Variants in GRM1 observed in about 807,000 individuals in gnomAD.
The protein encoded by GRM1 is glutamate metabotropic receptor 1, also known as metabotropic glutamate receptor 1.
Under a neutral mutation model 90.9 loss-of-function variants are expected in GRM1, and 33 were observed. The observed-to-expected ratio is 0.36, with a 90% CI of 0.28 to 0.49. GRM1 has a LOEUF of 0.49. Ranked by LOEUF, GRM1 falls within the 20% of genes least tolerant of loss-of-function variation. The pLI, the probability that GRM1 is intolerant of heterozygous loss-of-function variation, is 0.99. For synonymous variants in GRM1, 700 were observed against 613.2 expected (o/e 1.14, Z -2.09); for missense variants, 1,190 against 1,534.3 (o/e 0.78, Z 3.75).
chr6:146,129,943 C>CAGAG (rs909593012), intron 1 of GRM1, among the ~76,000 whole-genome samples: 10 of 151,754 alleles, frequency 6.6e-5, no homozygotes, highest in Admixed American at 2.0e-4. Flanking sequence ...AAATATCACT[C>CAGAG]AGAGCACCAT....
At chr6:146,110,129 T>C (rs1755584278) in intron 1 of GRM1, among the ~76,000 whole-genome samples, 3 of 152,150 alleles carry the variant, frequency 2.0e-5, no homozygotes, top group Admixed American at 1.3e-4. Flanking sequence ...GAGGGCACGA[T>C]TGGTTTTGAA....
At chr6:146,207,958 G>T (rs1036489243) in intron 2 of GRM1, among the ~76,000 whole-genome samples, 2 of 152,052 alleles carry the variant, frequency 1.3e-5, no homozygotes, top group Admixed American at 1.3e-4. Context: ...TATCTAATCA[G>T]CTTCTGAGAT....
At chr6:146,340,985 C>G (rs1341543274) in intron 3 of GRM1, among the ~76,000 whole-genome samples, 2 of 152,202 alleles carry the variant, frequency 1.3e-5, no homozygotes, top group African/African-American at 2.4e-5. Context: ...TGCACACATT[C>G]TAGTATTTAA....
At chr6:146,407,222 T>A (rs1777381011) in intron 7 of GRM1, among the ~76,000 whole-genome samples, 2 of 152,184 alleles carry the variant, frequency 1.3e-5, no homozygotes, top group African/African-American at 4.8e-5. Flanking sequence ...CATGCTCAAG[T>A]GCAAGGAAGG....
intron 6 of GRM1, among the ~76,000 whole-genome samples, chr6:146,392,104 G>A (rs1463551325): frequency 6.6e-6 from 1 of 152,138 alleles, no homozygotes; most frequent in Non-Finnish European, 1.5e-5. Context: ...ACGATATGCA[G>A]TTTAAAGTTT....
rs1790642842 is a variant in GRM1, at chr6:146,029,748, G to A, written c.231G>A (p.Gln77=). 1 of 1,613,962 alleles carries A rather than the reference G, an allele frequency of 6.2e-7. No individual in the cohort carries two copies. Among genetic ancestry groups the A allele is most frequent in the Non-Finnish European group, 8.5e-7 (1 of 1,179,864 alleles). Residue 77 remains glutamine (Q), a synonymous_variant, in exon 1 of 8, where the codon CAG becomes CAA. Coordinates refer to ENST00000282753, the MANE Select transcript of GRM1 (RefSeq NM_001278064.2). ...AGATCAGGGAGCAGTATGGCATCCA[G>A]AGGGTGGAGGCCATGTTCCACACGT... ...CGEIREQYGI[Q]RVEAMFHTLD...
intron 1 of GRM1, among the ~76,000 whole-genome samples, chr6:146,068,171 G>A (rs542358384): frequency 6.6e-6 from 1 of 151,038 alleles, no homozygotes; most frequent in South Asian, 2.1e-4. Flanking sequence ...GAGTGCAGTG[G>A]CACGATCTCA....
intron 2 of GRM1, among the ~76,000 whole-genome samples, chr6:146,234,361 G>A (rs938697968): frequency 6.6e-6 from 1 of 151,650 alleles, no homozygotes. Context: ...ATTAACATTT[G>A]TTGTCTTCTT....
chr6:146,261,194 A>G (rs971642599), intron 2 of GRM1, among the ~76,000 whole-genome samples: 4 of 152,170 alleles, frequency 2.6e-5, no homozygotes, highest in African/African-American at 7.2e-5. Flanking sequence ...GTGTTCAGGG[A>G]TGAAGCAAAA....
intron 5 of GRM1, among the ~76,000 whole-genome samples, chr6:146,377,386 G>T (rs1318471441): frequency 6.6e-6 from 1 of 152,134 alleles, no homozygotes; most frequent in Non-Finnish European, 1.5e-5. Context: ...GGTGGTCTCA[G>T]ATGGAGATGA....
intron 3 of GRM1, among the ~76,000 whole-genome samples, chr6:146,332,807 T>G (rs536278212): frequency 1.3e-5 from 2 of 152,340 alleles, no homozygotes; most frequent in East Asian, 3.9e-4. Flanking sequence ...TCAAAATCAC[T>G]TTTTAAATTT....
chr6:146,298,945 A>G (rs928432374), intron 2 of GRM1, among the ~76,000 whole-genome samples: 1 of 152,158 alleles, frequency 6.6e-6, no homozygotes, highest in African/African-American at 2.4e-5. Flanking sequence ...CTACTCAAAT[A>G]TCCTTTCTTC....
At chr6:146,332,786 T>C (rs1455830029) in intron 3 of GRM1, among the ~76,000 whole-genome samples, 2 of 152,218 alleles carry the variant, frequency 1.3e-5, no homozygotes, top group Non-Finnish European at 2.9e-5. Context: ...TTTTAAGGTA[T>C]TTTGTCCTCC....
chr6:146,359,739 A>G (rs142508542), intron 5 of GRM1, among the ~76,000 whole-genome samples: 8 of 152,270 alleles, frequency 5.3e-5, no homozygotes, highest in African/African-American at 1.4e-4. Flanking sequence ...CCCTGCACCT[A>G]GACACTGAAG....
chr6:146,347,428 C>T (rs980931178), intron 3 of GRM1, among the ~76,000 whole-genome samples: 4 of 152,144 alleles, frequency 2.6e-5, no homozygotes, highest in African/African-American at 9.7e-5. Flanking sequence ...TAGGAATATA[C>T]TTGTGAGTGC....
At chr6:146,267,906 TC>T (rs1781979283) in intron 2 of GRM1, among the ~76,000 whole-genome samples, 1 of 152,134 alleles carries the variant, frequency 6.6e-6, no homozygotes, top group African/African-American at 2.4e-5. Context: ...ATACCTTGTA[TC>T]CCTCAATCCA....
Position 146,417,028 on chromosome 6 carries a change from C to T in GRM1, c.2661-16844C>T, listed in dbSNP as rs551005138. Among the ~76,000 whole-genome samples, 4 of 152,252 alleles carry T rather than the reference C, an allele frequency of 2.6e-5. No individual in the cohort carries two copies. In the South Asian group the frequency reaches 8.3e-4, roughly 32 times the overall value. ...TCCTCAAGTTCTAGCTGCCTTGGAGCACTTGAATTCAAAATTTTATGTCTA... is the reference window on the plus strand; with the variant it reads ...TCCTCAAGTTCTAGCTGCCTTGGAGTACTTGAATTCAAAATTTTATGTCTA... On this transcript the variant is annotated intron_variant, in intron 7 of 7. Transcript: ENST00000282753.
At chr6:146,055,960 A>C (rs1775466723) in intron 1 of GRM1, among the ~76,000 whole-genome samples, 2 of 152,148 alleles carry the variant, frequency 1.3e-5, no homozygotes, top group Admixed American at 1.3e-4. Context: ...AAGCAGTTAG[A>C]GACTAATCAG....
chr6:146,357,610 C>T lies in GRM1; in HGVS notation c.1518C>T (p.Asn506=). The change falls in exon 5 of 8, where the codon AAC becomes AAT. Residue 506 remains asparagine (N), a synonymous_variant. Transcript: ENST00000282753. The part of the protein sequence containing the change: ...HVGTWHEGVL[N]IDDYKIQMNK... ...GAACCTGGCATGAAGGAGTGCTGAA[C>T]ATTGATGATTACAAAATCCAGATGA... The T allele has an allele frequency of 6.2e-7, 1 of 1,613,644 alleles. No individual in the cohort carries two copies. Among genetic ancestry groups the T allele is most frequent in the Non-Finnish European group, 8.5e-7 (1 of 1,179,600 alleles).
Sources: gnomAD v4.1 joint callset for allele counts (sites outside exome capture counted in the v4.1 genomes callset) on GRCh38, gnomAD v4.1.1 for gene constraint, MANE v1.5 for transcripts, NCBI Gene and HGNC (gene_info 2026-07-23, HGNC 2026-07-21) for gene names.